The following AFG2A variants were observed in gnomAD, a reference collection of about 807,000 sequenced individuals.
AFG2A encodes the protein AAA ATPase AFG2A.
At chr4:123,319,091 CTAACT>C in the AFG2A span, 1 of 152,246 alleles carries the variant, frequency 6.6e-6, no homozygotes, top group Admixed American at 6.5e-5. Flanking sequence ...AGAAACTACC[CTAACT>C]TATCTCGATA....
chr4:123,304,286 G>T, the AFG2A span, among the ~76,000 whole-genome samples: 2 of 152,200 alleles, frequency 1.3e-5, no homozygotes, highest in East Asian at 3.9e-4. Flanking sequence ...AGGTCTCAAT[G>T]GGCCTGGGTA....
chr4:123,022,930 C>T, the AFG2A span, among the ~76,000 whole-genome samples: 2 of 150,910 alleles, frequency 1.3e-5, no homozygotes, highest in Non-Finnish European at 2.9e-5. Flanking sequence ...TAAACTATCT[C>T]AAGGACAAAA....
the AFG2A span, among the ~76,000 whole-genome samples, chr4:123,023,099 T>G: frequency 6.6e-6 from 1 of 151,390 alleles, no homozygotes. Flanking sequence ...GATGAGTTAA[T>G]GGGTGCAGCA....
At chr4:122,955,840 C>CGG in the AFG2A span, among the ~76,000 whole-genome samples, 2 of 152,306 alleles carry the variant, frequency 1.3e-5, no homozygotes, top group African/African-American at 4.8e-5. Context: ...AGGACTGGGT[C>CGG]TCACTCTGTC....
the AFG2A span, among the ~76,000 whole-genome samples, chr4:123,299,117 ATG>A: frequency 0.051 from 7,563 of 147,064 alleles, 323 homozygotes; most frequent in African/African-American, 0.12. Context: ...GCATCTGCCA[ATG>A]TGTGTGTGTG....
the AFG2A span, among the ~76,000 whole-genome samples, chr4:122,995,633 A>G: frequency 1.3e-5 from 2 of 152,198 alleles, no homozygotes; most frequent in Admixed American, 6.5e-5. Context: ...ATCAATTTCT[A>G]TCCTCAGCTC....
chr4:122,960,877 G>A, the AFG2A span, among the ~76,000 whole-genome samples: 2 of 152,060 alleles, frequency 1.3e-5, no homozygotes, highest in African/African-American at 4.8e-5. Context: ...GAAAGGTTCT[G>A]TTTCTAATAT....
At chr4:122,923,209 G>A in the AFG2A span, 1 of 1,614,230 alleles carries the variant, frequency 6.2e-7, no homozygotes, top group East Asian at 2.2e-5. Context: ...CTTGCCCTCT[G>A]CTGCTTCCTC....
At chr4:123,115,799 T>A in the AFG2A span, among the ~76,000 whole-genome samples, 13 of 152,176 alleles carry the variant, frequency 8.5e-5, no homozygotes, top group Non-Finnish European at 1.6e-4. Context: ...GCCATCAATT[T>A]GAATGGTTTA....
the AFG2A span, among the ~76,000 whole-genome samples, chr4:123,078,217 C>T: frequency 0.14 from 21,983 of 151,992 alleles, 2,039 homozygotes; most frequent in East Asian, 0.46. Context: ...ATATATTTGA[C>T]ATTGAACATT....
At chr4:123,286,537 A>G in the AFG2A span, among the ~76,000 whole-genome samples, 1 of 152,300 alleles carries the variant, frequency 6.6e-6, no homozygotes, top group African/African-American at 2.4e-5. Flanking sequence ...ATCAATGCCA[A>G]CTGCAAAGTT....
At chr4:123,081,824 G>T in the AFG2A span, among the ~76,000 whole-genome samples, 31 of 152,182 alleles carry the variant, frequency 2.0e-4, no homozygotes, top group Admixed American at 1.8e-3. Flanking sequence ...CAACTTTCCT[G>T]ATTTTGGCCA....
the AFG2A span, chr4:123,028,151 C>T: frequency 5.1e-5 from 80 of 1,576,938 alleles, 1 homozygote; most frequent in South Asian, 9.0e-4. Context: ...TTTGTCCTGG[C>T]AAAACTTATA....
At chr4:123,149,391 G>A in the AFG2A span, among the ~76,000 whole-genome samples, 5 of 152,304 alleles carry the variant, frequency 3.3e-5, no homozygotes, top group Non-Finnish European at 5.9e-5. Context: ...GTTAATGTCT[G>A]GGGATGGGAA....
the AFG2A span, among the ~76,000 whole-genome samples, chr4:123,278,214 A>G: frequency 6.6e-6 from 1 of 152,116 alleles, no homozygotes; most frequent in South Asian, 2.1e-4. Flanking sequence ...CCAGGAATTT[A>G]TCAGTTTATT....
the AFG2A span, among the ~76,000 whole-genome samples, chr4:123,017,175 AGGGGG>A: frequency 1.7e-5 from 1 of 57,660 alleles, no homozygotes; most frequent in South Asian, 1.2e-3. Context: ...GGAGAGGGAG[AGGGGG>A]GAGAGGGAAA....
the AFG2A span, among the ~76,000 whole-genome samples, chr4:122,984,248 C>CT: frequency 6.6e-6 from 1 of 152,034 alleles, no homozygotes; most frequent in South Asian, 2.1e-4. Flanking sequence ...ATTTGATACT[C>CT]TGCTTGGTTG....
chr4:123,004,929 A>T, the AFG2A span, among the ~76,000 whole-genome samples: 1,684 of 152,092 alleles, frequency 0.011, 24 homozygotes, highest in Non-Finnish European at 0.019. Context: ...TTTTTTTCTC[A>T]AGTGAATTTT....
the AFG2A span, among the ~76,000 whole-genome samples, chr4:123,313,113 G>T: frequency 1.3e-5 from 2 of 152,134 alleles, no homozygotes; most frequent in African/African-American, 2.4e-5. Context: ...GCCTGCTTCC[G>T]CTGTCTGAAG....
Sources: allele counts gnomAD v4.1 joint callset (sites outside exome capture counted in the v4.1 genomes callset), GRCh38; gene constraint gnomAD v4.1.1; transcripts MANE v1.5; gene names NCBI Gene and HGNC (gene_info 2026-07-23, HGNC 2026-07-21).